The following KIRREL3 variants were observed in gnomAD, a reference collection of about 807,000 sequenced individuals.
The protein encoded by KIRREL3 is kin of IRRE-like protein 3.
KIRREL3 carries 36 observed loss-of-function variants against 89.7 expected under a neutral mutation model. The observed-to-expected ratio is 0.40, with a 90% CI of 0.31 to 0.53. KIRREL3 has a LOEUF of 0.53. Among genes scored for constraint, KIRREL3 ranks in the 20% least tolerant of loss-of-function variants. KIRREL3 has a pLI of 0.49. For missense variants in KIRREL3, 864 were observed against 1,056.6 expected (o/e 0.82, Z 2.53); for synonymous variants, 445 against 441.4 (o/e 1.01, Z -0.10).
chr11:126,925,101 G>T (rs764273832), intron 1 of KIRREL3, among the ~76,000 whole-genome samples: 3 of 59,128 alleles, frequency 5.1e-5, no homozygotes, highest in South Asian at 4.1e-4. Context: ...AAAGGTCGGG[G>T]GGGGGGGGGG....
rs932892509 is a variant in KIRREL3 at position 126,526,795 on chromosome 11, C to T, written c.134-108G>A. ...AGGGCTGGCGCAGGAGACTGAGCCTCCTGAAGCACCTGGCTTTCCTGCTGA... is the reference window on the plus strand; with the variant it reads ...AGGGCTGGCGCAGGAGACTGAGCCTTCTGAAGCACCTGGCTTTCCTGCTGA... On this transcript the variant is annotated intron_variant, in intron 2 of 16. Coordinates refer to ENST00000525144, the MANE Select transcript of KIRREL3 (RefSeq NM_032531.4). The surrounding 1 kb of genome is among the most constrained non-coding windows in gnomAD (Gnocchi z 5.7). The T allele has an allele frequency of 8.4e-7, 1 of 1,192,936 alleles. No homozygotes were observed. The highest frequency in any genetic ancestry group is 1.2e-6 in the Non-Finnish European group (1 of 847,160). The allele number at this position is 1,192,936 out of a possible 1,614,324, so 73.9% of individuals were successfully genotyped here. A position where few individuals can be genotyped will look rare whatever the true frequency, so the allele number is the denominator to read the frequency against.
chr11:126,518,448 T>C (rs1376387078), intron 4 of KIRREL3, among the ~76,000 whole-genome samples: 2 of 152,270 alleles, frequency 1.3e-5, no homozygotes, highest in Non-Finnish European at 2.9e-5. Context: ...TTTGCAATTT[T>C]GCCGGAATAC....
At chr11:126,512,100 A>G (rs1311850259) in intron 4 of KIRREL3, among the ~76,000 whole-genome samples, 1 of 152,204 alleles carries the variant, frequency 6.6e-6, no homozygotes, top group African/African-American at 2.4e-5. Context: ...ATGAGGGGGA[A>G]TCAGTAGAGA....
intron 1 of KIRREL3, among the ~76,000 whole-genome samples, chr11:126,974,293 G>A (rs1465657074): frequency 1.3e-5 from 2 of 152,120 alleles, no homozygotes. Context: ...GTCAAATAAT[G>A]TTTTCAATAA....
At chr11:126,481,499 C>A (rs1027677863) in intron 4 of KIRREL3, among the ~76,000 whole-genome samples, 1 of 152,154 alleles carries the variant, frequency 6.6e-6, no homozygotes, top group Non-Finnish European at 1.5e-5. Context: ...GGTGTGACAC[C>A]ACACCCACCG....
intron 10 of KIRREL3, chr11:126,440,798 A>G (rs975134796): frequency 1.7e-6 from 1 of 574,772 alleles, no homozygotes; most frequent in African/African-American, 1.9e-5. Context: ...AATAACTGTA[A>G]TAAAAGGTGG....
At chr11:126,512,694 CT>C (rs1056672905) in intron 4 of KIRREL3, among the ~76,000 whole-genome samples, 1 of 152,156 alleles carries the variant, frequency 6.6e-6, no homozygotes, top group African/African-American at 2.4e-5. Flanking sequence ...TCTGAGCTCA[CT>C]TTTTGCTGAG....
At position 126,431,615 on chromosome 11, in the gene KIRREL3, C is replaced by T; in HGVS notation, c.1589-89G>A. On this transcript the variant is annotated intron_variant, in intron 13 of 16. Transcript: ENST00000525144. This position sits in a 1 kb window ranked among gnomAD's most constrained non-coding sequence, Gnocchi z 7.1. ...CTCACCCCGTTCCTGCGGGGGCAGC[C>T]CCTGCCACATGGGGCCCTCCTGGGA... The T allele has an allele frequency of 7.5e-7, 1 of 1,329,880 alleles. No homozygotes were observed. Among genetic ancestry groups the T allele is most frequent in the South Asian group, 1.3e-5 (1 of 76,728 alleles). 82.4% of individuals were successfully genotyped at this position (1,329,880 alleles called of 1,614,324 possible). A position where few individuals can be genotyped will look rare whatever the true frequency, so the allele number is the denominator to read the frequency against.
rs1334463620 is a variant in KIRREL3, at chr11:126,668,735, T to TC, written c.56-105824_56-105823insG. On this transcript the variant is annotated intron_variant, in intron 1 of 16. Coordinates refer to ENST00000525144, the MANE Select transcript of KIRREL3 (RefSeq NM_032531.4). The surrounding 1 kb of genome is among the most constrained non-coding windows in gnomAD (Gnocchi z 4.4). ...TTTCTTTCTTTCTTTCTTTCTTTCT[T>TC]TCTTTCTTTCTTTCTTTCTTTTTTC... Among the ~76,000 whole-genome samples, 10 of 114,076 alleles carry TC rather than the reference T, an allele frequency of 8.8e-5. No homozygotes were observed. The South Asian group carries it at 1.1e-3, about 12-fold the overall frequency. The allele number at this position is 114,076 out of a possible 152,430, so 74.8% of individuals were successfully genotyped here. A position where few individuals can be genotyped will look rare whatever the true frequency, so the allele number is the denominator to read the frequency against.
At chr11:126,798,886 T>C (rs1950895784) in intron 1 of KIRREL3, among the ~76,000 whole-genome samples, 1 of 152,246 alleles carries the variant, frequency 6.6e-6, no homozygotes, top group Non-Finnish European at 1.5e-5. Flanking sequence ...AATCATGCTG[T>C]GTCTCAGTTT....
At chr11:126,467,361 A>G (rs1480657606) in intron 5 of KIRREL3, among the ~76,000 whole-genome samples, 2 of 152,114 alleles carry the variant, frequency 1.3e-5, no homozygotes, top group Non-Finnish European at 2.9e-5. Flanking sequence ...ACCCCACCCC[A>G]TGGTTTTCCT....
Position 126,909,878 on chromosome 11 carries a change from A to T in KIRREL3, c.55+90577T>A, listed in dbSNP as rs776285162. Among the ~76,000 whole-genome samples, 15 of 152,040 alleles carry T rather than the reference A, an allele frequency of 9.9e-5. No homozygotes were observed. The highest frequency in any genetic ancestry group is 2.1e-4 in the Non-Finnish European group (14 of 68,006). ...ATATGGTCTGTGATATGGATATGATATTTTTTTATTGCAATAATAAGTTTC... is the reference window on the plus strand; with the variant it reads ...ATATGGTCTGTGATATGGATATGATTTTTTTTTATTGCAATAATAAGTTTC... On this transcript the variant is annotated intron_variant, in intron 1 of 16. Transcript: ENST00000525144. The surrounding 1 kb of genome is among the most constrained non-coding windows in gnomAD (Gnocchi z 4.5).
At chr11:126,899,498 G>A (rs1946289144) in intron 1 of KIRREL3, among the ~76,000 whole-genome samples, 1 of 152,196 alleles carries the variant, frequency 6.6e-6, no homozygotes, top group Non-Finnish European at 1.5e-5. Context: ...CCTCTTCTGA[G>A]AATTAAAATG....
intron 1 of KIRREL3, among the ~76,000 whole-genome samples, chr11:126,911,613 C>A (rs1946817388): frequency 6.6e-6 from 1 of 152,124 alleles, no homozygotes; most frequent in African/African-American, 2.4e-5. Flanking sequence ...GTGTTAGTGG[C>A]AGGAGGTGAT....
In KIRREL3 at chr11:126,587,939, G is replaced by A. The variant is rs114589634; in HGVS notation, c.56-25027C>T. 0.011 allele frequency among the ~76,000 whole-genome samples: 1,740 copies of A among 152,228 alleles called. 39 individuals are homozygous for A. The highest frequency in any genetic ancestry group is 0.04 in the African/African-American group (1,658 of 41,522). On this transcript the variant is annotated intron_variant, in intron 1 of 16. Transcript: ENST00000525144. This position sits in a 1 kb window ranked among gnomAD's most constrained non-coding sequence, Gnocchi z 5.2. ...CTGGTACAGGGAGGGGCAGAGGTCTGTCTTTGGAAGGCTTTAGGAAGAAGG... is the reference window on the plus strand; with the variant it reads ...CTGGTACAGGGAGGGGCAGAGGTCTATCTTTGGAAGGCTTTAGGAAGAAGG...
rs1250205527 is a variant in KIRREL3 at position 126,587,253 on chromosome 11, GCAGAGCGT to G, written c.56-24349_56-24342del. 2.6e-5 allele frequency among the ~76,000 whole-genome samples: 4 copies of G among 152,196 alleles called. No individual in the cohort carries two copies. Among genetic ancestry groups the G allele is most frequent in the African/African-American group, 7.2e-5 (3 of 41,456 alleles). On this transcript the variant is annotated intron_variant, in intron 1 of 16. Transcript: ENST00000525144. The surrounding 1 kb of genome is among the most constrained non-coding windows in gnomAD (Gnocchi z 5.2). ...GGACAGGGAGATGAAGACGGGGGCT[GCAGAGCGT>G]TCCAGGCTGTGGAGGCAGCGTGTGC...
Position 126,890,956 on chromosome 11 carries a change from G to C in KIRREL3, c.55+109499C>G, listed in dbSNP as rs947491907. On this transcript the variant is annotated intron_variant, in intron 1 of 16. Transcript: ENST00000525144. This position sits in a 1 kb window ranked among gnomAD's most constrained non-coding sequence, Gnocchi z 5.1. ...TTCCAGTGCTGTTGGTCCCCCGCTT[G>C]GTTCATTACATTTCTGAGCCCACTC... Among the ~76,000 whole-genome samples, 2 of 152,164 alleles carry C rather than the reference G, an allele frequency of 1.3e-5. No homozygotes were observed. Among genetic ancestry groups the C allele is most frequent in the Admixed American group, 1.3e-4 (2 of 15,276 alleles).
intron 1 of KIRREL3, among the ~76,000 whole-genome samples, chr11:126,632,341 T>G (rs1041152582): frequency 5.3e-5 from 8 of 152,224 alleles, no homozygotes; most frequent in Non-Finnish European, 8.8e-5. Flanking sequence ...CTTGCTTCAC[T>G]GACTGTGGTG....
rs11828672 is a variant in KIRREL3, at chr11:126,575,920, T to C, written c.56-13008A>G. ...CCCCGCCAACTGCCTTATTCATACCTCTTCATTCATTCATACCTTTGCTAT... is the reference window on the plus strand; with the variant it reads ...CCCCGCCAACTGCCTTATTCATACCCCTTCATTCATTCATACCTTTGCTAT... On this transcript the variant is annotated intron_variant, in intron 1 of 16. Transcript: ENST00000525144. This position sits in a 1 kb window ranked among gnomAD's most constrained non-coding sequence, Gnocchi z 7.0. Among the ~76,000 whole-genome samples, 4,245 of 152,208 alleles carry C rather than the reference T, an allele frequency of 0.028. 189 individuals are homozygous for C. The highest frequency in any genetic ancestry group is 0.097 in the African/African-American group (4,028 of 41,504).
Sources: allele counts gnomAD v4.1 joint callset (sites outside exome capture counted in the v4.1 genomes callset), GRCh38; gene constraint gnomAD v4.1.1; non-coding constraint Gnocchi (gnomAD v3.1); transcripts MANE v1.5; gene names NCBI Gene and HGNC (gene_info 2026-07-23, HGNC 2026-07-21).